TBC1D1: variants seen among roughly 807,000 people sequenced by gnomAD.
TBC1D1 encodes TBC1 domain family member 1, also known as TBC1 (tre-2/USP6, BUB2, cdc16) domain family, member 1.
A neutral mutation model predicts 125.6 loss-of-function variants in TBC1D1; 89 were observed. The ratio of observed to expected loss-of-function variants is 0.71; its 90% CI spans 0.60 to 0.85. The LOEUF is 0.85. Ranked by LOEUF, TBC1D1 falls within the 40% of genes least tolerant of loss-of-function variation. TBC1D1 has a pLI of 0.00. For synonymous variants in TBC1D1, 565 were observed against 564.1 expected, an observed-to-expected ratio of 1.00 and a Z score of -0.02; for missense variants, 1,377 against 1,469.2, an observed-to-expected ratio of 0.94 and a Z score of 1.03.
At chr4:38,116,291 A>AGAT (rs1324262521) in intron 16 of TBC1D1, among the ~76,000 whole-genome samples, 1 of 152,142 alleles carries the variant, frequency 6.6e-6, no homozygotes, top group Non-Finnish European at 1.5e-5. Flanking sequence ...ATCAGCCATC[A>AGAT]GATGATCTCA....
At chr4:38,033,625 CA>C (rs1322244899) in intron 7 of TBC1D1, among the ~76,000 whole-genome samples, 1 of 152,152 alleles carries the variant, frequency 6.6e-6, no homozygotes, top group Non-Finnish European at 1.5e-5. Context: ...TGGGTTGTGA[CA>C]GATGCTTAAT....
intron 12 of TBC1D1, among the ~76,000 whole-genome samples, chr4:38,088,048 ACT>A (rs756918369): frequency 3.3e-5 from 5 of 150,728 alleles, no homozygotes; most frequent in Admixed American, 2.0e-4. Flanking sequence ...GAATTGCAAA[ACT>A]CTTTTGCAAA....
At chr4:38,060,318 T>C (rs964630325) in intron 12 of TBC1D1, among the ~76,000 whole-genome samples, 1 of 152,254 alleles carries the variant, frequency 6.6e-6, no homozygotes, top group African/African-American at 2.4e-5. Flanking sequence ...TCTACAATGT[T>C]TGAACTAATT....
intron 18 of TBC1D1, among the ~76,000 whole-genome samples, chr4:38,129,200 A>G (rs1013076781): frequency 1.3e-5 from 2 of 152,190 alleles, no homozygotes. Flanking sequence ...TGAACAAAGG[A>G]GCCCCTGTTC....
intron 2 of TBC1D1, among the ~76,000 whole-genome samples, chr4:38,000,678 G>C (rs574895537): frequency 6.6e-6 from 1 of 152,254 alleles, no homozygotes; most frequent in East Asian, 1.9e-4. Context: ...CCCCACACCA[G>C]CAACCAGTTC....
At chr4:37,914,734 G>A (rs559437946) in intron 2 of TBC1D1, among the ~76,000 whole-genome samples, 8 of 152,186 alleles carry the variant, frequency 5.3e-5, no homozygotes, top group South Asian at 2.1e-4. Context: ...CACCCTTCCC[G>A]TTGCTCTCTG....
chr4:37,945,027 TTAG>T (rs1486111231), intron 2 of TBC1D1, among the ~76,000 whole-genome samples: 1 of 152,220 alleles, frequency 6.6e-6, no homozygotes, highest in African/African-American at 2.4e-5. Context: ...GTTATAAATC[TTAG>T]TAGAGTCCAG....
At chr4:37,925,535 G>A (rs1035293954) in intron 2 of TBC1D1, among the ~76,000 whole-genome samples, 1 of 152,028 alleles carries the variant, frequency 6.6e-6, no homozygotes, top group Non-Finnish European at 1.5e-5. Context: ...GGCCAACATG[G>A]TGAAACCCTG....
At chr4:38,072,664 T>G (rs928102368) in intron 12 of TBC1D1, among the ~76,000 whole-genome samples, 10 of 152,224 alleles carry the variant, frequency 6.6e-5, no homozygotes, top group Non-Finnish European at 1.5e-4. Context: ...AAACCATATT[T>G]AAGTATAAAG....
chr4:37,977,730 G>A lies in TBC1D1; in HGVS notation c.418-36779G>A, dbSNP rs139822709. 6.6e-6 allele frequency among the ~76,000 whole-genome samples: 1 copy of A among 152,232 alleles called. No homozygotes were observed. Among genetic ancestry groups the A allele is most frequent in the East Asian group, 1.9e-4 (1 of 5,142 alleles). On this transcript the variant is annotated intron_variant, in intron 2 of 19. Coordinates refer to ENST00000261439, the MANE Select transcript of TBC1D1 (RefSeq NM_015173.4). The surrounding 1 kb of genome is among the most constrained non-coding windows in gnomAD (Gnocchi z 4.3). Reference sequence around the variant, plus strand: ...AGATCCCTGTGGGGAGGACGGGCGAGGTAGCGGCGCCCATTTCACAGTTGG... The same window carrying A: ...AGATCCCTGTGGGGAGGACGGGCGAAGTAGCGGCGCCCATTTCACAGTTGG...
At chr4:37,906,715 C>G (rs1717421616) in intron 2 of TBC1D1, among the ~76,000 whole-genome samples, 1 of 152,060 alleles carries the variant, frequency 6.6e-6, no homozygotes, top group South Asian at 2.1e-4. Context: ...TATTTGGTGC[C>G]AAAAAATGGA....
chr4:38,060,873 G>A (rs531701427), intron 12 of TBC1D1, among the ~76,000 whole-genome samples: 1 of 152,196 alleles, frequency 6.6e-6, no homozygotes, highest in Admixed American at 6.5e-5. Flanking sequence ...GATGTTTCAG[G>A]TCCACTGTGA....
At chr4:37,998,361 C>G (rs951749117) in intron 2 of TBC1D1, among the ~76,000 whole-genome samples, 3 of 152,206 alleles carry the variant, frequency 2.0e-5, no homozygotes, top group African/African-American at 7.2e-5. Context: ...GTCCATCAAG[C>G]CCATTCTCTC....
chr4:38,131,157 A>T (rs541645263), intron 18 of TBC1D1, among the ~76,000 whole-genome samples: 3 of 152,226 alleles, frequency 2.0e-5, no homozygotes, highest in Non-Finnish European at 4.4e-5. Flanking sequence ...CTAGGGATTA[A>T]TGGAGGCCTG....
intron 1 of TBC1D1, among the ~76,000 whole-genome samples, chr4:37,895,677 C>T (rs947569163): frequency 6.6e-6 from 1 of 152,148 alleles, no homozygotes. Context: ...GCACTACAGC[C>T]TGGGTGACAG....
At chr4:37,964,207 G>C (rs773984515) in intron 2 of TBC1D1, among the ~76,000 whole-genome samples, 1 of 152,178 alleles carries the variant, frequency 6.6e-6, no homozygotes, top group Admixed American at 6.5e-5. Flanking sequence ...GGCCAGGGTT[G>C]GATATGCGAA....
At chr4:38,066,812 T>C (rs1753807791) in intron 12 of TBC1D1, among the ~76,000 whole-genome samples, 1 of 152,226 alleles carries the variant, frequency 6.6e-6, no homozygotes, top group African/African-American at 2.4e-5. Context: ...ATGAACTTTT[T>C]CCAAGTGAAT....
At chr4:37,955,654 T>C (rs1728785605) in intron 2 of TBC1D1, among the ~76,000 whole-genome samples, 1 of 152,214 alleles carries the variant, frequency 6.6e-6, no homozygotes. Context: ...GCGAAACCCA[T>C]GGGTAAAGAG....
rs576093803 is a variant in TBC1D1 at position 38,138,981 on chromosome 4, C to T, written c.*1646C>T. ...CATAAACCAAGATGATGAGTTCAGC[C>T]TTTATCCCTCGTGGTTCCGCTAGAT... On this transcript the variant is annotated 3_prime_UTR_variant, in exon 20 of 20. Coordinates refer to ENST00000261439, the MANE Select transcript of TBC1D1 (RefSeq NM_015173.4). The T allele has an allele frequency of 6.5e-6, 1 of 152,714 alleles. No individual in the cohort carries two copies. The highest frequency in any genetic ancestry group is 1.9e-4 in the East Asian group (1 of 5,178). The allele number at this position is 152,714 out of a possible 1,614,324, so 9.5% of individuals were successfully genotyped here.
Sources: allele counts gnomAD v4.1 joint callset (sites outside exome capture counted in the v4.1 genomes callset), GRCh38; gene constraint gnomAD v4.1.1; non-coding constraint Gnocchi (gnomAD v3.1); transcripts MANE v1.5; gene names NCBI Gene and HGNC (gene_info 2026-07-23, HGNC 2026-07-21).